The following SMARCA2 variants were observed in gnomAD, a reference collection of about 807,000 sequenced individuals.
SMARCA2 encodes the protein SWI/SNF-related matrix-associated actin-dependent regulator of chromatin subfamily A member 2.
SMARCA2 carries 61 observed loss-of-function variants against 199.8 expected under a neutral mutation model. The observed-to-expected ratio is 0.31, with a 90% CI of 0.25 to 0.38. The LOEUF (loss-of-function observed/expected upper bound fraction) is 0.38. SMARCA2 is among the 10% of genes least tolerant of loss of function. The pLI is 1.00. For missense variants in SMARCA2, 1,344 were observed against 2,012.2 expected, an observed-to-expected ratio of 0.67 and a Z score of 6.35; for synonymous variants, 935 against 732.0, an observed-to-expected ratio of 1.28 and a Z score of -4.48.
At chr9:2,108,520 G>GATGTATAGT (rs1265949833) in intron 23 of SMARCA2, among the ~76,000 whole-genome samples, 5 of 152,246 alleles carry the variant, frequency 3.3e-5, no homozygotes, top group Middle Eastern at 3.4e-3. Context: ...TGAGAGTATA[G>GATGTATAGT]ATGTATAGTT....
chr9:2,106,876 A>G (rs1822776430), intron 23 of SMARCA2, among the ~76,000 whole-genome samples: 1 of 152,260 alleles, frequency 6.6e-6, no homozygotes, highest in Non-Finnish European at 1.5e-5. Context: ...ATTAGTCATC[A>G]TGAAAGTCTG....
At chr9:2,054,144 A>G (rs1326794678) in intron 5 of SMARCA2, among the ~76,000 whole-genome samples, 1 of 152,250 alleles carries the variant, frequency 6.6e-6, no homozygotes, top group East Asian at 1.9e-4. Context: ...CGTCATCAGC[A>G]TCTTGGCAAA....
rs1302476328 is a variant in SMARCA2 at position 2,084,568 on chromosome 9, C to G, written c.2526+372C>G. ...GAAAGAAATAATTGTTTTTGTTGCCCTGAGATATTGTCAGTGTACCTTCAT... is the reference window on the plus strand; with the variant it reads ...GAAAGAAATAATTGTTTTTGTTGCCGTGAGATATTGTCAGTGTACCTTCAT... On this transcript the variant is annotated intron_variant, in intron 17 of 33. Transcript: ENST00000349721. 2.0e-5 allele frequency among the ~76,000 whole-genome samples: 3 copies of G among 152,092 alleles called. No homozygotes were observed. In the East Asian group the frequency reaches 5.8e-4, roughly 29 times the overall value.
At chr9:2,175,908 T>G (rs1205539847) in intron 29 of SMARCA2, among the ~76,000 whole-genome samples, 1 of 152,102 alleles carries the variant, frequency 6.6e-6, no homozygotes, top group Non-Finnish European at 1.5e-5. Flanking sequence ...AGATGAAGTT[T>G]CGCTCTTGTT....
chr9:2,131,187 A>G (rs1000297619), intron 27 of SMARCA2, among the ~76,000 whole-genome samples: 2 of 152,238 alleles, frequency 1.3e-5, no homozygotes, highest in East Asian at 3.8e-4. Context: ...ATAATATGCA[A>G]TTACCAGCCA....
Position 2,151,799 on chromosome 9 carries a change from A to C in SMARCA2, c.3982-9887A>C, listed in dbSNP as rs956932831. 9.9e-5 allele frequency among the ~76,000 whole-genome samples: 15 copies of C among 152,242 alleles called. No individual in the cohort carries two copies. In the South Asian group the frequency reaches 3.1e-3, roughly 32 times the overall value. On this transcript the variant is annotated intron_variant, in intron 27 of 33. Transcript: ENST00000349721. ...CTGAAAATGTCCAATGAATATAAAAAAAACACAGTAAAGTCATCTCAATAT... is the reference window on the plus strand; with the variant it reads ...CTGAAAATGTCCAATGAATATAAAACAAACACAGTAAAGTCATCTCAATAT...
rs958237839 is a variant in SMARCA2, at chr9:2,056,443, G to C, written c.1174-229G>C. Among the ~76,000 whole-genome samples, 5 of 152,130 alleles carry C rather than the reference G, an allele frequency of 3.3e-5. No homozygotes were observed. The highest frequency in any genetic ancestry group is 1.2e-4 in the African/African-American group (5 of 41,428). On this transcript the variant is annotated intron_variant, in intron 6 of 33. Coordinates refer to ENST00000349721, the MANE Select transcript of SMARCA2 (RefSeq NM_003070.5). The surrounding 1 kb of genome is among the most constrained non-coding windows in gnomAD (Gnocchi z 4.0). ...CTTTTACTGTTACAGTACTATAATTGCTTTTGATTTGAATTATTTGGGGAG... is the reference window on the plus strand; with the variant it reads ...CTTTTACTGTTACAGTACTATAATTCCTTTTGATTTGAATTATTTGGGGAG...
Position 2,017,613 on chromosome 9 carries a change from GCACA to G in SMARCA2, c.-37+2212_-37+2215del, listed in dbSNP as rs1181148502. 6.6e-6 allele frequency: 1 copy of G among 152,380 alleles called. No individual in the cohort carries two copies. Among genetic ancestry groups the G allele is most frequent in the Non-Finnish European group, 1.5e-5 (1 of 68,196 alleles). The allele number at this position is 152,380 out of a possible 1,614,324, so 9.4% of individuals were successfully genotyped here. On this transcript the variant is annotated intron_variant, in intron 1 of 33. Coordinates refer to ENST00000349721, the MANE Select transcript of SMARCA2 (RefSeq NM_003070.5). The surrounding 1 kb of genome is among the most constrained non-coding windows in gnomAD (Gnocchi z 8.8). ...AAGTCACAGCAGCGAAGCGCACACA[GCACA>G]CAGACATGTTTGATTGCCGTGACAT...
chr9:2,088,676 C>G (rs1821914592), intron 19 of SMARCA2, 63 bp downstream of exon 19: 1 of 1,086,200 alleles, frequency 9.2e-7, no homozygotes, highest in Admixed American at 2.3e-5. Context: ...TTTGAAGTAC[C>G]TGCCTCTGAA....
chr9:2,058,116 C>A, intron 7 of SMARCA2, 175 bp from the exon 8 acceptor site: 1 of 596,908 alleles, frequency 1.7e-6, no homozygotes, highest in South Asian at 2.1e-5. Flanking sequence ...TTCCCACCAG[C>A]CCCATGGCCC....
chr9:2,176,691 T>A (rs549618152), intron 29 of SMARCA2, among the ~76,000 whole-genome samples: 5 of 151,220 alleles, frequency 3.3e-5, no homozygotes, highest in Non-Finnish European at 5.9e-5. Flanking sequence ...AGCTTGGGAC[T>A]ACAGGCACAT....
intron 1 of SMARCA2, among the ~76,000 whole-genome samples, chr9:2,020,405 A>C (rs1818549139): frequency 6.6e-6 from 1 of 152,190 alleles, no homozygotes; most frequent in Non-Finnish European, 1.5e-5. Flanking sequence ...CTAAGTAGTG[A>C]ATAGAAAATA....
chr9:2,132,368 A>G (rs867270988), intron 27 of SMARCA2, among the ~76,000 whole-genome samples: 6 of 152,184 alleles, frequency 3.9e-5, no homozygotes, highest in Non-Finnish European at 7.3e-5. Context: ...TGAATCACTC[A>G]GCTCTGTTTC....
Position 2,019,665 on chromosome 9 carries a change from A to G in SMARCA2, c.-37+4261A>G, listed in dbSNP as rs948598121. ...GATAAATCATTCTACAGGCCAGTAT[A>G]AAAGCATATCACATCCTTTTCTAAA... On this transcript the variant is annotated intron_variant, in intron 1 of 33. Coordinates refer to ENST00000349721, the MANE Select transcript of SMARCA2 (RefSeq NM_003070.5). 7.2e-5 allele frequency among the ~76,000 whole-genome samples: 11 copies of G among 152,322 alleles called. No individual in the cohort carries two copies. The South Asian group carries it at 1.4e-3, about 20-fold the overall frequency.
intron 31 of SMARCA2, among the ~76,000 whole-genome samples, chr9:2,184,031 C>G (rs969559512): frequency 1.3e-5 from 2 of 152,186 alleles, no homozygotes; most frequent in Admixed American, 6.5e-5. Context: ...TTGTCTTTCT[C>G]TAGCCACCTT....
intron 14 of SMARCA2, among the ~76,000 whole-genome samples, chr9:2,079,648 C>A (rs1821480170): frequency 6.6e-6 from 1 of 152,212 alleles, no homozygotes; most frequent in African/African-American, 2.4e-5. Context: ...ATTCTGAGGA[C>A]CACTGCTCTG....
At chr9:2,059,908 T>C (rs896994372) in intron 8 of SMARCA2, among the ~76,000 whole-genome samples, 2 of 151,942 alleles carry the variant, frequency 1.3e-5, no homozygotes, top group Non-Finnish European at 2.9e-5. Flanking sequence ...TAATTTGGAG[T>C]GTCCTTTTAT....
At chr9:2,159,915 T>TC in intron 27 of SMARCA2, 1 of 1,609,278 alleles carries the variant, frequency 6.2e-7, no homozygotes, top group Non-Finnish European at 8.5e-7. Flanking sequence ...GTAAGGTAAA[T>TC]ATCCTTTTTC....
chr9:2,033,953 AATAC>A (rs1819195252), intron 3 of SMARCA2, among the ~76,000 whole-genome samples: 1 of 152,282 alleles, frequency 6.6e-6, no homozygotes, highest in Non-Finnish European at 1.5e-5. Flanking sequence ...CATCTACAAA[AATAC>A]TGTTTCAGGC....
Sources: allele counts gnomAD v4.1 joint callset (sites outside exome capture counted in the v4.1 genomes callset), GRCh38; gene constraint gnomAD v4.1.1; non-coding constraint Gnocchi (gnomAD v3.1); transcripts MANE v1.5; gene names NCBI Gene and HGNC (gene_info 2026-07-23, HGNC 2026-07-21).